Variants in DCN observed in about 807,000 individuals in gnomAD.
The protein encoded by DCN is bone proteoglycan II.
A neutral mutation model predicts 36.5 loss-of-function variants in DCN; 17 were observed. The observed-to-expected ratio is 0.47, with a 90% CI of 0.32 to 0.70. The LOEUF (loss-of-function observed/expected upper bound fraction) is 0.70, where lower values mean the gene tolerates loss of function less well. DCN is among the 30% of genes least tolerant of loss of function. DCN has a pLI of 0.04. For synonymous variants in DCN, 163 were observed against 161.4 expected (o/e 1.01, Z -0.07); for missense variants, 389 against 430.1 (o/e 0.90, Z 0.84).
In DCN at chr12:91,143,907, A is replaced by G. The variant is rs1880863144; in HGVS notation, c.*2151T>C. 1 of 150,858 alleles carries G rather than the reference A, an allele frequency of 6.6e-6. No individual in the cohort carries two copies. The highest frequency in any genetic ancestry group is 2.4e-5 in the African/African-American group (1 of 41,156). The allele number at this position is 150,858 out of a possible 1,614,324, so 9.3% of individuals were successfully genotyped here. Reference sequence around the variant, plus strand: ...GTGTATATATATAAATATGGGGGGAAGTTGTGTTGACAAGAGTGCTGGAGA... The same window carrying G: ...GTGTATATATATAAATATGGGGGGAGGTTGTGTTGACAAGAGTGCTGGAGA... On this transcript the variant is annotated 3_prime_UTR_variant, in exon 8 of 8. Coordinates refer to ENST00000052754, the MANE Select transcript of DCN (RefSeq NM_001920.5).
intron 6 of DCN, 122 bp downstream of exon 6, chr12:91,152,971 AAAC>A (rs748111624): frequency 2.1e-5 from 14 of 671,024 alleles, no homozygotes; most frequent in Non-Finnish European, 3.0e-5. Flanking sequence ...GAGATTATAG[AAAC>A]AACAACAGCA....
chr12:91,175,911 AATC>A (rs997805821), intron 2 of DCN: 14 of 152,174 alleles, frequency 9.2e-5, no homozygotes, highest in African/African-American at 3.4e-4. Flanking sequence ...TACTGCATAT[AATC>A]ATCATATAAT....
At chr12:91,155,393 A>G (rs1354136006) in intron 5 of DCN, among the ~76,000 whole-genome samples, 4 of 152,192 alleles carry the variant, frequency 2.6e-5, no homozygotes, top group African/African-American at 9.7e-5. Context: ...TAACTTTTCT[A>G]TTAAGCGGTA....
In DCN at chr12:91,140,669, A is replaced by G. The variant is rs1880728636; in HGVS notation, c.*5389T>C. On this transcript the variant is annotated 3_prime_UTR_variant, in exon 8 of 8. Transcript: ENST00000052754. Reference sequence around the variant, plus strand: ...CTATATTCCGGCATCTCTAGAATTTATGTCTACAGCTCAACCCTTTCCCTT... The same window carrying G: ...CTATATTCCGGCATCTCTAGAATTTGTGTCTACAGCTCAACCCTTTCCCTT... 1 of 152,174 alleles carries G rather than the reference A, an allele frequency of 6.6e-6. No homozygotes were observed. The highest frequency in any genetic ancestry group is 2.4e-5 in the African/African-American group (1 of 41,442). 9.4% of individuals were successfully genotyped at this position (152,174 alleles called of 1,614,324 possible).
intron 5 of DCN, among the ~76,000 whole-genome samples, chr12:91,153,480 G>A (rs1592683154): frequency 6.6e-6 from 1 of 152,048 alleles, no homozygotes; most frequent in Non-Finnish European, 1.5e-5. Flanking sequence ...TCAACGCTGA[G>A]TCTCATTATT....
intron 3 of DCN, among the ~76,000 whole-genome samples, 158 bp downstream of exon 3, chr12:91,164,423 AGAAAAACAGTGTTTGGGGCAGAAT>A (rs1882388180): frequency 6.9e-6 from 1 of 145,718 alleles, no homozygotes; most frequent in African/African-American, 2.5e-5. Flanking sequence ...AAAAAGAAAA[AGAAAAACAGTGTTTGGGGCAGAAT>A]TAATAAAAAA....
chr12:91,167,985 C>A (rs1882694964), intron 2 of DCN, among the ~76,000 whole-genome samples: 3 of 152,108 alleles, frequency 2.0e-5, no homozygotes, highest in Admixed American at 2.0e-4. Flanking sequence ...CGTTTGCCAC[C>A]AGTGCCTGGC....
chr12:91,167,374 G>A (rs1230437511), intron 2 of DCN, among the ~76,000 whole-genome samples: 8 of 151,404 alleles, frequency 5.3e-5, no homozygotes, highest in African/African-American at 1.9e-4. Flanking sequence ...TCTATGATGA[G>A]GTTTTTAGCA....
At chr12:91,173,055 A>G (rs1883073199) in intron 2 of DCN, among the ~76,000 whole-genome samples, 1 of 152,126 alleles carries the variant, frequency 6.6e-6, no homozygotes, top group Admixed American at 6.5e-5. Context: ...CTGAGTCTTT[A>G]CTGTTACAGT....
At chr12:91,150,265 C>T (rs989124957) in intron 7 of DCN, among the ~76,000 whole-genome samples, 4 of 152,060 alleles carry the variant, frequency 2.6e-5, no homozygotes, top group East Asian at 1.9e-4. Flanking sequence ...CATTTATGAT[C>T]GAGTGATTTT....
intron 3 of DCN, among the ~76,000 whole-genome samples, chr12:91,160,520 C>A (rs1882093050): frequency 6.6e-6 from 1 of 151,964 alleles, no homozygotes; most frequent in South Asian, 2.1e-4. Context: ...CATACTCAAG[C>A]CAGAATTCTG....
In DCN at chr12:91,144,554, T is replaced by C. The variant is rs1880902368; in HGVS notation, c.*1504A>G. The C allele has an allele frequency of 6.6e-6, 1 of 152,186 alleles. No homozygotes were observed. Among genetic ancestry groups the C allele is most frequent in the African/African-American group, 2.4e-5 (1 of 41,454 alleles). 9.4% of individuals were successfully genotyped at this position (152,186 alleles called of 1,614,324 possible). On this transcript the variant is annotated 3_prime_UTR_variant, in exon 8 of 8. Coordinates refer to ENST00000052754, the MANE Select transcript of DCN (RefSeq NM_001920.5). The stretch of plus-strand genomic sequence containing the variant: ...TGTGGAAAGATGGAAAAGAGTAACT[T>C]TCCCTAATGTTAATATTACCTCGGG...
At chr12:91,178,999 T>C (rs1267413886) in intron 1 of DCN, among the ~76,000 whole-genome samples, 2 of 152,166 alleles carry the variant, frequency 1.3e-5, no homozygotes, top group Non-Finnish European at 2.9e-5. Flanking sequence ...TGGAAGCCAG[T>C]CACATCTCTC....
rs183240798 is a variant in DCN, at chr12:91,145,710, A to C, written c.*348T>G. 49 of 399,076 alleles carry C rather than the reference A, an allele frequency of 1.2e-4. No homozygotes were observed. Among genetic ancestry groups the C allele is most frequent in the African/African-American group, 1.0e-3 (48 of 47,592 alleles). 24.7% of individuals were successfully genotyped at this position (399,076 alleles called of 1,614,324 possible). A position where few individuals can be genotyped will look rare whatever the true frequency, so the allele number is the denominator to read the frequency against. ...AGCTAACTGCTCAATGAATTACAGA[A>C]GACTCATACTCTTTTTATTTTTTCC... On this transcript the variant is annotated 3_prime_UTR_variant, in exon 8 of 8. Transcript: ENST00000052754.
chr12:91,155,650 C>G (rs1881722853), intron 5 of DCN, among the ~76,000 whole-genome samples: 1 of 150,426 alleles, frequency 6.6e-6, no homozygotes. Flanking sequence ...ATCTATCTAT[C>G]TATATCAATC....
intron 2 of DCN, chr12:91,177,767 A>G: frequency 1.5e-6 from 1 of 689,530 alleles, no homozygotes; most frequent in Non-Finnish European, 2.6e-6. Flanking sequence ...GCTGGATTAC[A>G]AAATGTCAAA....
chr12:91,161,320 TA>T (rs1054538052), intron 3 of DCN, among the ~76,000 whole-genome samples: 56 of 152,298 alleles, frequency 3.7e-4, no homozygotes, highest in African/African-American at 1.3e-3. Flanking sequence ...AGGGTTTTTT[TA>T]AAAAATATTC....
At chr12:91,161,288 T>C (rs1882137932) in intron 3 of DCN, among the ~76,000 whole-genome samples, 1 of 152,184 alleles carries the variant, frequency 6.6e-6, no homozygotes, top group Non-Finnish European at 1.5e-5. Context: ...GGACACTAGA[T>C]GTCACTTACT....
At chr12:91,173,940 A>G (rs994594153) in intron 2 of DCN, among the ~76,000 whole-genome samples, 2 of 152,230 alleles carry the variant, frequency 1.3e-5, no homozygotes, top group African/African-American at 4.8e-5. Flanking sequence ...ATAATTTAAA[A>G]GGTTGTACTT....
Sources: allele counts gnomAD v4.1 joint callset (sites outside exome capture counted in the v4.1 genomes callset), GRCh38; gene constraint gnomAD v4.1.1; transcripts MANE v1.5; gene names NCBI Gene and HGNC (gene_info 2026-07-23, HGNC 2026-07-21).